The following SMARCD2 variants were observed in gnomAD, a reference collection of about 807,000 sequenced individuals.
SMARCD2 encodes SWI/SNF related BAF chromatin remodeling complex subunit D2.
Under a neutral mutation model 70.4 loss-of-function variants are expected in SMARCD2, and 39 were observed. The ratio of observed to expected loss-of-function variants is 0.55; its 90% CI spans 0.43 to 0.72. The LOEUF (loss-of-function observed/expected upper bound fraction) is 0.72, where lower values mean the gene tolerates loss of function less well. Among genes scored for constraint, SMARCD2 ranks in the 30% least tolerant of loss-of-function variants. SMARCD2 has a pLI of 0.00. For missense variants in SMARCD2, 540 were observed against 713.4 expected (o/e 0.76, Z 2.77); for synonymous variants, 249 against 279.4 (o/e 0.89, Z 1.08).
intron 1 of SMARCD2, among the ~76,000 whole-genome samples, chr17:63,839,444 G>C (rs1904354545): frequency 1.3e-5 from 2 of 152,160 alleles, no homozygotes; most frequent in Admixed American, 1.3e-4. Flanking sequence ...TCTGCTCCAG[G>C]TTTCCTGGGC....
Position 63,834,385 on chromosome 17 carries a change from T to G in SMARCD2, c.922-57A>C, listed in dbSNP as rs776480049. 3 of 1,583,456 alleles carry G rather than the reference T, an allele frequency of 1.9e-6. No individual in the cohort carries two copies. The African/African-American group carries it at 4.0e-5, about 21-fold the overall frequency. On this transcript the variant is annotated intron_variant, in intron 7 of 12. Coordinates refer to ENST00000448276, the MANE Select transcript of SMARCD2 (RefSeq NM_001098426.2). This position sits in a 1 kb window ranked among gnomAD's most constrained non-coding sequence, Gnocchi z 5.6. ...TTCTTATAGTAGAACAGTGGGAAAA[T>G]AGGGCAGGGACAGGAAGGGTTTCTA...
chr17:63,836,218 C>T (rs1204345686), intron 4 of SMARCD2, among the ~76,000 whole-genome samples: 5 of 151,156 alleles, frequency 3.3e-5, no homozygotes, highest in Non-Finnish European at 7.4e-5. Flanking sequence ...GACTGTTCTA[C>T]ATTATTATTA....
At chr17:63,839,031 TGG>T (rs1256480406) in intron 1 of SMARCD2, 3 of 984,938 alleles carry the variant, frequency 3.0e-6, no homozygotes, top group Non-Finnish European at 3.6e-6. Flanking sequence ...AAGTTCAAAG[TGG>T]GGGGCTCTGG....
Position 63,834,854 on chromosome 17 carries a change from T to G in SMARCD2, c.724-54A>C. On this transcript the variant is annotated intron_variant, in intron 5 of 12. Coordinates refer to ENST00000448276, the MANE Select transcript of SMARCD2 (RefSeq NM_001098426.2). The surrounding 1 kb of genome is among the most constrained non-coding windows in gnomAD (Gnocchi z 5.6). Reference sequence around the variant, plus strand: ...GCTGCTGAGCTCTCAAATCTCAAGCTATGCTAAATCCCAAGAAAGAGAAGC... The same window carrying G: ...GCTGCTGAGCTCTCAAATCTCAAGCGATGCTAAATCCCAAGAAAGAGAAGC... The G allele has an allele frequency of 8.1e-7, 1 of 1,240,110 alleles. No homozygotes were observed. Among genetic ancestry groups the G allele is most frequent in the South Asian group, 1.2e-5 (1 of 83,018 alleles). 76.8% of individuals were successfully genotyped at this position (1,240,110 alleles called of 1,614,324 possible).
rs1221766080 is a variant in SMARCD2 at position 63,834,256 on chromosome 17, T to A, written c.994A>T (p.Met332Leu). The A allele has an allele frequency of 1.2e-5, 20 of 1,610,852 alleles. No individual in the cohort carries two copies. Among genetic ancestry groups the A allele is most frequent in the African/African-American group, 2.7e-5 (2 of 74,868 alleles). Residue 332 changes from methionine (M) to leucine (L), a missense_variant, in exon 8 of 13, where the codon ATG becomes TTG. Transcript: ENST00000448276. This position sits in a 1 kb window ranked among gnomAD's most constrained non-coding sequence, Gnocchi z 5.6. ...GVHTQTRAAIMQALWLYIKHN... is the reference protein window; with the variant it reads ...GVHTQTRAAILQALWLYIKHN... Reference sequence around the variant, plus strand: ...TTGATGTAAAGCCACAGGGCCTGCATGATGGCGGCCCTCGTCTGCGTGTGC... The same window carrying A: ...TTGATGTAAAGCCACAGGGCCTGCAAGATGGCGGCCCTCGTCTGCGTGTGC...
At chr17:63,842,151 C>T (rs1156799925) in intron 1 of SMARCD2, among the ~76,000 whole-genome samples, 8 of 152,168 alleles carry the variant, frequency 5.3e-5, no homozygotes, top group Admixed American at 5.2e-4. Flanking sequence ...CTACCCTAGA[C>T]TTCTCAACCC....
intron 1 of SMARCD2, chr17:63,838,568 A>G (rs2040293949): frequency 7.2e-7 from 1 of 1,396,002 alleles, no homozygotes; most frequent in Middle Eastern, 1.9e-4. Context: ...AAAGTGGGAG[A>G]CAGAAATAGC....
In SMARCD2 at chr17:63,840,979, C is replaced by T. The variant is rs375321590; in HGVS notation, c.216+1480G>A. ...CCAAGGGCACATTTCCTATGGCTTG[C>T]ATGCCAAGGAAACTGGAGCGGCTTG... is the stretch of plus-strand genomic sequence containing the variant. On this transcript the variant is annotated intron_variant, in intron 1 of 12. Coordinates refer to ENST00000448276, the MANE Select transcript of SMARCD2 (RefSeq NM_001098426.2). Among the ~76,000 whole-genome samples the T allele has an allele frequency of 2.6e-5, 4 of 152,248 alleles. 1 individual carries two copies. In the East Asian group the frequency reaches 7.7e-4, roughly 29 times the overall value.
chr17:63,833,965 C>T lies in SMARCD2; in HGVS notation c.1125G>A (p.Met375Ile). Reference protein sequence around the residue: ...CGRLRFSEIPMKLAGLLQHPD... With the variant: ...CGRLRFSEIPIKLAGLLQHPD... ...GATGCTGCAGCAACCCTGCCAGCTTCATGGGAATCTCGGAGAAACGGAGTC... is the reference window on the plus strand; with the variant it reads ...GATGCTGCAGCAACCCTGCCAGCTTTATGGGAATCTCGGAGAAACGGAGTC... The change falls in exon 9 of 13, where the codon ATG becomes ATA. Residue 375 changes from methionine (M) to isoleucine (I), a missense_variant. Met to Ile is a conservative substitution (Grantham distance 10). Transcript: ENST00000448276. The surrounding 1 kb of genome is among the most constrained non-coding windows in gnomAD (Gnocchi z 4.3). 1 of 1,613,994 alleles carries T rather than the reference C, an allele frequency of 6.2e-7. No individual in the cohort carries two copies. Among genetic ancestry groups the T allele is most frequent in the Non-Finnish European group, 8.5e-7 (1 of 1,179,858 alleles).
chr17:63,835,641 A>G (rs1173381100), intron 4 of SMARCD2, 74 bp from the exon 5 acceptor site: 2 of 1,452,080 alleles, frequency 1.4e-6, no homozygotes, highest in Non-Finnish European at 1.9e-6. Context: ...ATCTTCTCAT[A>G]TGAACCATTC....
At position 63,833,998 on chromosome 17, in the gene SMARCD2, A is replaced by G; in HGVS notation, c.1092T>C (p.Ser364=). 2 of 1,613,776 alleles carry G rather than the reference A, an allele frequency of 1.2e-6. No homozygotes were observed. The highest frequency in any genetic ancestry group is 1.1e-5 in the South Asian group (1 of 91,088). Residue 364 remains serine (S), a synonymous_variant, in exon 9 of 13, where the codon AGT becomes AGC. Coordinates refer to ENST00000448276, the MANE Select transcript of SMARCD2 (RefSeq NM_001098426.2). The surrounding 1 kb of genome is among the most constrained non-coding windows in gnomAD (Gnocchi z 4.3). ...TCTCGGAGAAACGGAGTCGGCCACA[A>G]CTGAAGATCTGGAGGAAATACGAAA... The part of the protein sequence containing the change: ...NCNRYFRQIF[S]CGRLRFSEIP...
chr17:63,842,342 G>T, intron 1 of SMARCD2, 117 bp downstream of exon 1: 1 of 1,184,296 alleles, frequency 8.4e-7, no homozygotes, highest in Non-Finnish European at 1.1e-6. Context: ...GCCCTCCACC[G>T]TCTCCCGGAG....
At position 63,832,860 on chromosome 17, in the gene SMARCD2, G is replaced by A. The variant is rs375513592; in HGVS notation, c.*78C>T. 19 of 1,253,422 alleles carry A rather than the reference G, an allele frequency of 1.5e-5. No individual in the cohort carries two copies. The highest frequency in any genetic ancestry group is 2.5e-5 in the East Asian group (1 of 39,456). The allele number at this position is 1,253,422 out of a possible 1,614,324, so 77.6% of individuals were successfully genotyped here. A position where few individuals can be genotyped will look rare whatever the true frequency, so the allele number is the denominator to read the frequency against. ...GCAGACACTCCTCACCCCAGCCTAC[G>A]TGTCTGCGGCCCCAGCAAGGACCCA... On this transcript the variant is annotated 3_prime_UTR_variant, in exon 13 of 13. Coordinates refer to ENST00000448276, the MANE Select transcript of SMARCD2 (RefSeq NM_001098426.2).
At chr17:63,841,023 A>G (rs752552133) in intron 1 of SMARCD2, among the ~76,000 whole-genome samples, 1 of 152,180 alleles carries the variant, frequency 6.6e-6, no homozygotes, top group Non-Finnish European at 1.5e-5. Flanking sequence ...AGGTCCTTCC[A>G]AGGCCAAAGG....
At chr17:63,835,130 CT>C (rs1238468539) in intron 5 of SMARCD2, 104 of 521,240 alleles carry the variant, frequency 2.0e-4, no homozygotes, top group Non-Finnish European at 2.3e-4. Flanking sequence ...CTGGCCCAGT[CT>C]TTTTTTTTCT....
chr17:63,840,116 G>A (rs1904397778), intron 1 of SMARCD2, among the ~76,000 whole-genome samples: 1 of 151,726 alleles, frequency 6.6e-6, no homozygotes, highest in South Asian at 2.1e-4. Context: ...GCGACAGAGT[G>A]AGACTCCGTA....
chr17:63,838,877 C>T, intron 1 of SMARCD2: 1 of 1,245,334 alleles, frequency 8.0e-7, no homozygotes, highest in Non-Finnish European at 1.0e-6. Flanking sequence ...CTTCCCCAAC[C>T]TCTTCATCCC....
intron 1 of SMARCD2, chr17:63,838,937 C>T (rs1307811584): frequency 1.0e-6 from 1 of 985,044 alleles, no homozygotes; most frequent in Non-Finnish European, 1.2e-6. Context: ...TGACCAGATG[C>T]GGAGATGGAA....
Position 63,833,597 on chromosome 17 carries a change from A to C in SMARCD2, c.1307T>G (p.Leu436Arg), listed in dbSNP as rs765196763. The C allele has an allele frequency of 5.6e-6, 9 of 1,614,000 alleles. No homozygotes were observed. The highest frequency in any genetic ancestry group is 7.6e-6 in the Non-Finnish European group (9 of 1,179,888). ...STTNQQEIAS[L>R]DVKIHETIES... ...AGCCAGAGGGCCCACCTTGACATCA[A>C]GGGAGGCGATCTCCTGCTGATTGGT... is the stretch of plus-strand genomic sequence containing the variant. The change falls in exon 10 of 13, where the codon CTT becomes CGT. Residue 436 changes from leucine to arginine, a missense_variant. Transcript: ENST00000448276. The surrounding 1 kb of genome is among the most constrained non-coding windows in gnomAD (Gnocchi z 4.3).
Sources: allele counts gnomAD v4.1 joint callset (sites outside exome capture counted in the v4.1 genomes callset), GRCh38; gene constraint gnomAD v4.1.1; non-coding constraint Gnocchi (gnomAD v3.1); transcripts MANE v1.5; gene names NCBI Gene and HGNC (gene_info 2026-07-23, HGNC 2026-07-21).